The following ERGIC1 variants were observed in gnomAD, a reference collection of about 807,000 sequenced individuals.
ERGIC1 encodes the protein endoplasmic reticulum-golgi intermediate compartment 1, also known as endoplasmic reticulum-Golgi intermediate compartment protein 1.
ERGIC1 carries 19 observed loss-of-function variants against 38.3 expected under a neutral mutation model. The ratio of observed to expected loss-of-function variants is 0.50; its 90% CI spans 0.35 to 0.73. The LOEUF (loss-of-function observed/expected upper bound fraction) is 0.73, where lower values mean the gene tolerates loss of function less well. Among genes scored for constraint, ERGIC1 ranks in the 30% least tolerant of loss-of-function variants. The pLI is 0.01. For missense variants in ERGIC1, 294 were observed against 389.2 expected, an observed-to-expected ratio of 0.76 and a Z score of 2.06; for synonymous variants, 124 against 157.6, an observed-to-expected ratio of 0.79 and a Z score of 1.60.
At chr5:172,844,069 C>T (rs1057303708) in intron 1 of ERGIC1, among the ~76,000 whole-genome samples, 4 of 152,120 alleles carry the variant, frequency 2.6e-5, no homozygotes, top group African/African-American at 4.8e-5. Flanking sequence ...CCAGGGCCTC[C>T]GGGGTTTGCA....
intron 3 of ERGIC1, among the ~76,000 whole-genome samples, chr5:172,908,336 AGGGG>A (rs1561729758): frequency 5.6e-3 from 2 of 360 alleles, no homozygotes; most frequent in African/African-American, 0.026. Flanking sequence ...GGAGGGGGGG[AGGGG>A]GGAGGGGGGG....
At chr5:172,866,584 T>TACTA (rs1170514983) in intron 1 of ERGIC1, among the ~76,000 whole-genome samples, 2 of 152,214 alleles carry the variant, frequency 1.3e-5, no homozygotes, top group Non-Finnish European at 2.9e-5. Flanking sequence ...CTTTTCCCTG[T>TACTA]ACTAACATGT....
chr5:172,932,820 G>T, intron 8 of ERGIC1: 1 of 382,292 alleles, frequency 2.6e-6, no homozygotes, highest in Non-Finnish European at 4.9e-6. Flanking sequence ...TCCTGGGGTT[G>T]CAGGTCTCAA....
chr5:172,924,471 C>T (rs775838963), intron 6 of ERGIC1, among the ~76,000 whole-genome samples: 16 of 152,278 alleles, frequency 1.1e-4, no homozygotes, highest in Non-Finnish European at 1.8e-4. Flanking sequence ...AGAGCACTTG[C>T]CTGAAATGGG....
intron 1 of ERGIC1, among the ~76,000 whole-genome samples, chr5:172,839,684 G>A (rs1457857354): frequency 6.6e-6 from 1 of 152,094 alleles, no homozygotes; most frequent in East Asian, 1.9e-4. Context: ...ATGTGAAAAG[G>A]CCAGTATTTC....
chr5:172,870,230 C>T (rs1761965550), intron 1 of ERGIC1, among the ~76,000 whole-genome samples: 1 of 152,202 alleles, frequency 6.6e-6, no homozygotes, highest in African/African-American at 2.4e-5. Flanking sequence ...CACTTGCCAT[C>T]ATTTTTTAAT....
chr5:172,930,448 T>A (rs922973500), intron 7 of ERGIC1, among the ~76,000 whole-genome samples: 2 of 151,868 alleles, frequency 1.3e-5, no homozygotes, highest in African/African-American at 4.8e-5. Flanking sequence ...GTTCAAGCGA[T>A]TCTCCTGCCT....
intron 9 of ERGIC1, 194 bp downstream of exon 9, chr5:172,935,504 A>G (rs1763870803): frequency 3.2e-6 from 2 of 633,696 alleles, no homozygotes; most frequent in Non-Finnish European, 2.6e-6. Context: ...ATCAGTATCG[A>G]TGACGTTTTG....
intron 1 of ERGIC1, among the ~76,000 whole-genome samples, chr5:172,865,504 A>G (rs577201292): frequency 1.3e-5 from 2 of 152,328 alleles, no homozygotes; most frequent in Non-Finnish European, 2.9e-5. Context: ...AAGTGTTCTT[A>G]TCTTAAGTAT....
chr5:172,834,296 G>A lies in ERGIC1; in HGVS notation c.-118G>A. 1 of 1,011,468 alleles carries A rather than the reference G, an allele frequency of 9.9e-7. No homozygotes were observed. Among genetic ancestry groups the A allele is most frequent in the Non-Finnish European group, 1.2e-6 (1 of 815,192 alleles). 62.7% of individuals were successfully genotyped at this position (1,011,468 alleles called of 1,614,324 possible). A position where few individuals can be genotyped will look rare whatever the true frequency, so the allele number is the denominator to read the frequency against. ...GAGTGGCGAGTGGCGAGTGGCGAGT[G>A]TCAGGGGGGCGGCCGGCGGGGGCGG... On this transcript the variant is annotated 5_prime_UTR_variant, in exon 1 of 10. Coordinates refer to ENST00000393784, the MANE Select transcript of ERGIC1 (RefSeq NM_001031711.3). The surrounding 1 kb of genome is among the most constrained non-coding windows in gnomAD (Gnocchi z 4.1).
At chr5:172,897,315 GCTA>G (rs2113312181) in intron 3 of ERGIC1, among the ~76,000 whole-genome samples, 1 of 152,100 alleles carries the variant, frequency 6.6e-6, no homozygotes, top group South Asian at 2.1e-4. Flanking sequence ...TATAATCCCA[GCTA>G]CTGGGGAGGC....
intron 9 of ERGIC1, among the ~76,000 whole-genome samples, chr5:172,940,183 C>G (rs1763979252): frequency 6.6e-6 from 1 of 152,164 alleles, no homozygotes; most frequent in Admixed American, 6.5e-5. Flanking sequence ...TAGTACCTGG[C>G]TGCTTCCAGG....
chr5:172,851,134 GA>G (rs1761393310), intron 1 of ERGIC1, among the ~76,000 whole-genome samples: 1 of 150,248 alleles, frequency 6.7e-6, no homozygotes, highest in Admixed American at 6.7e-5. Flanking sequence ...CCGGGAGGTG[GA>G]GCTTGCAGTG....
chr5:172,914,380 G>T (rs1241237679), intron 4 of ERGIC1, among the ~76,000 whole-genome samples: 1 of 152,086 alleles, frequency 6.6e-6, no homozygotes, highest in Non-Finnish European at 1.5e-5. Flanking sequence ...TTCAAGGAGG[G>T]TTCAATTATG....
chr5:172,909,119 G>A (rs1271290705), intron 3 of ERGIC1, among the ~76,000 whole-genome samples: 7 of 146,248 alleles, frequency 4.8e-5, no homozygotes, highest in Non-Finnish European at 9.0e-5. Flanking sequence ...TCTTACCACC[G>A]TGCTATCTGA....
chr5:172,849,877 A>C (rs1292271229), intron 1 of ERGIC1, among the ~76,000 whole-genome samples: 1 of 152,212 alleles, frequency 6.6e-6, no homozygotes, highest in Non-Finnish European at 1.5e-5. Context: ...GTGATAGTAG[A>C]AGTAAAAACA....
chr5:172,907,708 A>G (rs547941034), intron 3 of ERGIC1, among the ~76,000 whole-genome samples: 7 of 152,178 alleles, frequency 4.6e-5, no homozygotes, highest in African/African-American at 1.4e-4. Context: ...CCAGACCTCA[A>G]TCACACCTCA....
At chr5:172,862,762 A>T (rs923770901) in intron 1 of ERGIC1, among the ~76,000 whole-genome samples, 4 of 152,180 alleles carry the variant, frequency 2.6e-5, no homozygotes, top group Admixed American at 6.5e-5. Flanking sequence ...CTACTGTTAT[A>T]TGCTTTGTAT....
At chr5:172,875,777 A>G (rs1324285536) in intron 1 of ERGIC1, among the ~76,000 whole-genome samples, 1 of 152,138 alleles carries the variant, frequency 6.6e-6, no homozygotes, top group African/African-American at 2.4e-5. Flanking sequence ...TATTTTGTGG[A>G]GACGGGATCT....
Sources: allele counts gnomAD v4.1 joint callset (sites outside exome capture counted in the v4.1 genomes callset), GRCh38; gene constraint gnomAD v4.1.1; non-coding constraint Gnocchi (gnomAD v3.1); transcripts MANE v1.5; gene names NCBI Gene and HGNC (gene_info 2026-07-23, HGNC 2026-07-21).